The following P2RX3 variants were observed in gnomAD, a reference collection of about 807,000 sequenced individuals.
The protein encoded by P2RX3 is P2X purinoceptor 3.
A neutral mutation model predicts 51.5 loss-of-function variants in P2RX3; 41 were observed. The observed-to-expected ratio is 0.80, with a 90% CI of 0.62 to 1.03. The LOEUF (loss-of-function observed/expected upper bound fraction) is 1.03. P2RX3 is among the 50% of genes least tolerant of loss of function. P2RX3 has a pLI of 0.00. For synonymous variants in P2RX3, 185 were observed against 191.6 expected (o/e 0.97, Z 0.29); for missense variants, 459 against 522.1 (o/e 0.88, Z 1.18).
Position 57,346,651 on chromosome 11 carries a change from A to C in P2RX3, c.227A>C (p.Asp76Ala). 6.2e-7 allele frequency: 1 copy of C among 1,614,156 alleles called. No individual in the cohort carries two copies. Residue 76 changes from aspartate (D) to alanine (A), a missense_variant, in exon 2 of 12, where the codon GAT (aspartate) becomes GCT (alanine). Transcript: ENST00000263314. ...GSGLYANRVM[D>A]VSDYVTPPQG... ...GGACTCTACGCCAACAGAGTCATGG[A>C]TGTGTCTGATTACGTGACGCCACCT... is the stretch of plus-strand genomic sequence containing the variant.
intron 8 of P2RX3, among the ~76,000 whole-genome samples, chr11:57,351,754 T>C (rs1018999993): frequency 2.6e-5 from 4 of 152,246 alleles, no homozygotes; most frequent in African/African-American, 4.8e-5. Context: ...ACCAATTGTC[T>C]ACTACGTGCT....
At chr11:57,361,646 GTATTCCA>G (rs1484604340) in intron 8 of P2RX3, among the ~76,000 whole-genome samples, 6 of 152,160 alleles carry the variant, frequency 3.9e-5, no homozygotes, top group African/African-American at 1.4e-4. Flanking sequence ...TGGCTGCATA[GTATTCCA>G]TGGTATATAT....
At chr11:57,366,772 C>CA (rs1327007227) in intron 8 of P2RX3, among the ~76,000 whole-genome samples, 1 of 152,140 alleles carries the variant, frequency 6.6e-6, no homozygotes, top group East Asian at 1.9e-4. Context: ...CGCAGGGTGT[C>CA]ACATGGAGAG....
intron 8 of P2RX3, among the ~76,000 whole-genome samples, chr11:57,357,407 C>A (rs1856648062): frequency 6.6e-6 from 1 of 152,212 alleles, no homozygotes; most frequent in South Asian, 2.1e-4. Flanking sequence ...CAAGGCCACA[C>A]AGCTCCTACT....
chr11:57,361,949 G>A (rs538252323), intron 8 of P2RX3, among the ~76,000 whole-genome samples: 7 of 152,244 alleles, frequency 4.6e-5, no homozygotes, highest in South Asian at 2.1e-4. Context: ...CCTTATGTCC[G>A]ATTTTAGCTA....
chr11:57,346,671 C>A lies in P2RX3; in HGVS notation c.247C>A (p.Pro83Thr), dbSNP rs750322427. The A allele has an allele frequency of 1.2e-6, 2 of 1,613,826 alleles. No individual in the cohort carries two copies. Among genetic ancestry groups the A allele is most frequent in the Non-Finnish European group, 1.7e-6 (2 of 1,179,986 alleles). ...RVMDVSDYVT[P>T]PQGTSVFVII... ...CATGGATGTGTCTGATTACGTGACG[C>A]CACCTCAGGTATGGTACCCCTACCC... is the stretch of plus-strand genomic sequence containing the variant. The change falls in exon 2 of 12, where the codon CCA becomes ACA. Residue 83 changes from proline (P) to threonine (T), a missense_variant. Transcript: ENST00000263314.
At chr11:57,338,926 G>T (rs973981782) in intron 1 of P2RX3, among the ~76,000 whole-genome samples, 4 of 152,186 alleles carry the variant, frequency 2.6e-5, no homozygotes, top group Non-Finnish European at 4.4e-5. Flanking sequence ...GAGTAGTAGG[G>T]TCCCTGCCCC....
chr11:57,340,959 T>C (rs2134405229), intron 1 of P2RX3, among the ~76,000 whole-genome samples: 1 of 152,052 alleles, frequency 6.6e-6, no homozygotes, highest in Admixed American at 6.6e-5. Context: ...GGAGCAGAGA[T>C]GAGTGAGGGT....
chr11:57,370,318 G>A lies in P2RX3; in HGVS notation c.*321G>A, dbSNP rs1856865722. 1 of 288,234 alleles carries A rather than the reference G, an allele frequency of 3.5e-6. No individual in the cohort carries two copies. The highest frequency in any genetic ancestry group is 8.0e-5 in the South Asian group (1 of 12,540). The allele number at this position is 288,234 out of a possible 1,614,324, so 17.9% of individuals were successfully genotyped here. The stretch of plus-strand genomic sequence containing the variant: ...AGATGGCCACAAGGGCCTACCAAGT[G>A]CCAGGCACTTTCACACACGTTATCT... On this transcript the variant is annotated 3_prime_UTR_variant, in exon 12 of 12. Coordinates refer to ENST00000263314, the MANE Select transcript of P2RX3 (RefSeq NM_002559.5).
chr11:57,343,080 G>A (rs566106710), intron 1 of P2RX3, among the ~76,000 whole-genome samples: 26 of 152,232 alleles, frequency 1.7e-4, no homozygotes, highest in Non-Finnish European at 2.8e-4. Flanking sequence ...GGCCTCCAGA[G>A]ACAGCCTCAG....
At chr11:57,349,604 G>A (rs1429604329) in intron 6 of P2RX3, among the ~76,000 whole-genome samples, 153 bp from the exon 7 acceptor site, 1 of 152,186 alleles carries the variant, frequency 6.6e-6, no homozygotes, top group Non-Finnish European at 1.5e-5. Context: ...GAAAGATGCA[G>A]GGAAAGGAAA....
rs368687282 is a variant in P2RX3 at position 57,368,416 on chromosome 11, G to C, written c.981G>C (p.Ala327=). 3 of 1,614,112 alleles carry C rather than the reference G, an allele frequency of 1.9e-6. No homozygotes were observed. The Admixed American group carries it at 5.0e-5, about 27-fold the overall frequency. The change falls in exon 10 of 12, where the codon GCG becomes GCC. Residue 327 remains alanine, a synonymous_variant. Transcript: ENST00000263314. ...TCCCCACCATCATCAGCTCTGTGGC[G>C]GCCTTTACTTCTGTGGGAGTGGTGA... is the stretch of plus-strand genomic sequence containing the variant. ...NIIPTIISSV[A]AFTSVGVGTV...
At position 57,338,547 on chromosome 11, in the gene P2RX3, C is replaced by T. The variant is rs781210564; in HGVS notation, c.-4C>T. 1 of 1,579,734 alleles carries T rather than the reference C, an allele frequency of 6.3e-7. No individual in the cohort carries two copies. The highest frequency in any genetic ancestry group is 1.1e-5 in the South Asian group (1 of 89,360). ...TCTGAGTGTCCCCTGAGCACTCTCT[C>T]AGCATGAACTGCATATCCGACTTCT... On this transcript the variant is annotated 5_prime_UTR_variant, in exon 1 of 12. Coordinates refer to ENST00000263314, the MANE Select transcript of P2RX3 (RefSeq NM_002559.5).
chr11:57,369,528 CT>C, intron 11 of P2RX3, 90 bp downstream of exon 11: 8 of 1,243,386 alleles, frequency 6.4e-6, no homozygotes, highest in African/African-American at 1.5e-5. Flanking sequence ...CTTCTGAGGC[CT>C]TCTGAAGGGG....
At chr11:57,366,680 T>G (rs1856801405) in intron 8 of P2RX3, among the ~76,000 whole-genome samples, 1 of 152,180 alleles carries the variant, frequency 6.6e-6, no homozygotes, top group Non-Finnish European at 1.5e-5. Context: ...TATTTCTTCA[T>G]GTATAGAGGC....
chr11:57,362,493 G>T (rs761878331), intron 8 of P2RX3, among the ~76,000 whole-genome samples: 7 of 152,200 alleles, frequency 4.6e-5, no homozygotes, highest in African/African-American at 2.4e-5. Context: ...TCCTGACACT[G>T]CATGGCCCCC....
intron 8 of P2RX3, among the ~76,000 whole-genome samples, chr11:57,352,284 C>T (rs1290524517): frequency 6.6e-6 from 1 of 151,974 alleles, no homozygotes; most frequent in African/African-American, 2.4e-5. Flanking sequence ...AAAGAAGAAT[C>T]TTTAAAAATT....
At chr11:57,337,350 G>GAAAAAAAAAAAAAAA (rs11339711), upstream of P2RX3, among the ~76,000 whole-genome samples, 4 of 73,508 alleles carry the variant, frequency 5.4e-5, no homozygotes, top group South Asian at 5.2e-4. Flanking sequence ...AGGAAAGAAA[G>GAAAAAAAAAAAAAAA]AAAAAAAAAA....
chr11:57,346,406 C>A, intron 1 of P2RX3, 138 bp from the exon 2 acceptor site: 1 of 1,002,198 alleles, frequency 1.0e-6, no homozygotes, highest in Non-Finnish European at 1.5e-6. Context: ...CACTCTAGGT[C>A]TCACGCCTCT....
Sources: allele counts gnomAD v4.1 joint callset (sites outside exome capture counted in the v4.1 genomes callset), GRCh38; gene constraint gnomAD v4.1.1; transcripts MANE v1.5; gene names NCBI Gene and HGNC (gene_info 2026-07-23, HGNC 2026-07-21).